Variants in MAP6 observed in about 807,000 individuals in gnomAD.
The protein encoded by MAP6 is microtubule associated protein 6.
A neutral mutation model predicts 42.4 loss-of-function variants in MAP6; 26 were observed. The observed-to-expected ratio is 0.61, with a 90% confidence interval of 0.45 to 0.85. The LOEUF is 0.85. MAP6 is among the 40% of genes least tolerant of loss of function. The probability of loss-of-function intolerance (pLI) is 0.00; values close to 1 mark genes in which losing one functional copy is unlikely to be tolerated. For missense variants in MAP6, 966 were observed against 1,099.0 expected (o/e 0.88, Z 1.71); for synonymous variants, 418 against 443.8 (o/e 0.94, Z 0.73).
At chr11:75,662,173 A>G (rs143477669) in intron 1 of MAP6, among the ~76,000 whole-genome samples, 5 of 152,270 alleles carry the variant, frequency 3.3e-5, no homozygotes, top group African/African-American at 9.6e-5. Context: ...GATAGAGGAG[A>G]TATCATAAGT....
chr11:75,607,736 G>T, intron 2 of MAP6: 15 of 929,308 alleles, frequency 1.6e-5, no homozygotes, highest in South Asian at 9.9e-5. Flanking sequence ...GGGCATGGGG[G>T]CCTACAATAC....
intron 1 of MAP6, among the ~76,000 whole-genome samples, chr11:75,633,861 A>G (rs640927): frequency 0.27 from 40,983 of 152,108 alleles, 6,786 homozygotes; most frequent in African/African-American, 0.46. Context: ...GCCTTGGATA[A>G]CAGAGAGAGG....
intron 1 of MAP6, among the ~76,000 whole-genome samples, chr11:75,649,687 C>T (rs903026185): frequency 5.3e-5 from 8 of 152,012 alleles, no homozygotes; most frequent in African/African-American, 1.7e-4. Context: ...TACAGTCACG[C>T]GCACCACCAC....
At chr11:75,650,645 G>A (rs979201884) in intron 1 of MAP6, among the ~76,000 whole-genome samples, 2 of 152,056 alleles carry the variant, frequency 1.3e-5, no homozygotes, top group African/African-American at 4.8e-5. Context: ...TAACTGCAAG[G>A]ACCTAAGAGT....
intron 1 of MAP6, among the ~76,000 whole-genome samples, chr11:75,649,095 A>G (rs1943607412): frequency 1.3e-5 from 2 of 152,242 alleles, no homozygotes. Context: ...GTATAAGGAT[A>G]TTCACTGCAA....
intron 1 of MAP6, among the ~76,000 whole-genome samples, chr11:75,637,253 T>C (rs950990951): frequency 6.6e-6 from 1 of 152,200 alleles, no homozygotes; most frequent in African/African-American, 2.4e-5. Flanking sequence ...AATGTAAAAG[T>C]TAATGGCAGA....
chr11:75,651,716 C>G (rs575753582), intron 1 of MAP6, among the ~76,000 whole-genome samples: 69 of 152,326 alleles, frequency 4.5e-4, no homozygotes, highest in Middle Eastern at 3.4e-3. Flanking sequence ...CTTCCCATTG[C>G]TATTCAGTTG....
At chr11:75,640,566 A>T (rs930305106) in intron 1 of MAP6, among the ~76,000 whole-genome samples, 1 of 152,096 alleles carries the variant, frequency 6.6e-6, no homozygotes, top group African/African-American at 2.4e-5. Context: ...ATGGGAGAAA[A>T]TTTTTGCAAT....
chr11:75,621,775 C>A (rs11605453), intron 1 of MAP6, among the ~76,000 whole-genome samples: 1 of 152,174 alleles, frequency 6.6e-6, no homozygotes, highest in African/African-American at 2.4e-5. Flanking sequence ...GTAATCCCTG[C>A]ACTTTGGAAG....
At chr11:75,642,529 T>G (rs1828210537) in intron 1 of MAP6, 1 of 154,902 alleles carries the variant, frequency 6.5e-6, no homozygotes, top group Admixed American at 6.4e-5. Context: ...TCTTACCTTC[T>G]CCTTAATACA....
chr11:75,615,514 AGT>A (rs1942980523), intron 1 of MAP6, among the ~76,000 whole-genome samples: 1 of 152,202 alleles, frequency 6.6e-6, no homozygotes, highest in African/African-American at 2.4e-5. Flanking sequence ...CTAGAAATGC[AGT>A]ATGTACAGAG....
chr11:75,587,274 G>T lies in MAP6; in HGVS notation c.2227C>A (p.Pro743Thr). Residue 743 changes from proline (P) to threonine (T), a missense_variant, in exon 4 of 4, where the codon CCT (proline) becomes ACT (threonine). By Grantham distance (38) the Pro-to-Thr change is conservative. This residue lies in a region of MAP6 where 943 missense variants were observed against 1,049.9 expected (regional missense o/e 0.90). Coordinates refer to ENST00000304771, the MANE Select transcript of MAP6 (RefSeq NM_033063.2). Reference sequence around the variant, plus strand: ...GGAACTTGATTCTTCAGAGGTTCAGGGACTATACGACCTTGATTCTTTGGA... The same window carrying T: ...GGAACTTGATTCTTCAGAGGTTCAGTGACTATACGACCTTGATTCTTTGGA... Reference protein sequence around the residue: ...QPPKNQGRIVPEPLKNQVPIV... With the variant: ...QPPKNQGRIVTEPLKNQVPIV... 1 of 1,614,132 alleles carries T rather than the reference G, an allele frequency of 6.2e-7. No individual in the cohort carries two copies. The highest frequency in any genetic ancestry group is 1.1e-5 in the South Asian group (1 of 91,076).
intron 1 of MAP6, among the ~76,000 whole-genome samples, chr11:75,625,855 T>C (rs1417625906): frequency 6.6e-6 from 1 of 152,206 alleles, no homozygotes; most frequent in Admixed American, 6.5e-5. Context: ...CCTCTGTTAA[T>C]TCCTCATCTG....
At chr11:75,618,612 AT>A (rs1356987401) in intron 1 of MAP6, among the ~76,000 whole-genome samples, 1 of 151,706 alleles carries the variant, frequency 6.6e-6, no homozygotes, top group Admixed American at 6.6e-5. Flanking sequence ...AAAAAAAAAA[AT>A]TGACTCTTAT....
Position 75,605,863 on chromosome 11 carries a change from G to C in MAP6, c.1261C>G (p.Pro421Ala), listed in dbSNP as rs752440039. 1.9e-6 allele frequency: 3 copies of C among 1,614,090 alleles called. No homozygotes were observed. The Admixed American group carries it at 5.0e-5, about 27-fold the overall frequency. ...TCTTTGCTTTGCTCCTTGTCGTCTGGCTTGGTGGTACTCGGGCCCTCCGCG... is the reference window on the plus strand; with the variant it reads ...TCTTTGCTTTGCTCCTTGTCGTCTGCCTTGGTGGTACTCGGGCCCTCCGCG... ...KSAEGPSTTK[P>A]DDKEQSKEMN... The change falls in exon 3 of 4, where the codon CCA becomes GCA. Residue 421 changes from proline (P) to alanine (A), a missense_variant. Pro to Ala is a conservative substitution (Grantham distance 27). Around this residue, in one of 2 missense-constraint regions of MAP6, gnomAD observed 943 missense variants for 1,049.9 expected, o/e 0.90. Coordinates refer to ENST00000304771, the MANE Select transcript of MAP6 (RefSeq NM_033063.2).
chr11:75,655,550 C>T (rs1368284628), intron 1 of MAP6, among the ~76,000 whole-genome samples: 1 of 152,226 alleles, frequency 6.6e-6, no homozygotes, highest in East Asian at 1.9e-4. Flanking sequence ...TAATGGAAGG[C>T]ACTGACTGCA....
chr11:75,590,481 C>T (rs1216054359), intron 3 of MAP6, among the ~76,000 whole-genome samples: 1 of 152,160 alleles, frequency 6.6e-6, no homozygotes, highest in Non-Finnish European at 1.5e-5. Context: ...AGCATTGGCT[C>T]CTGTGCCACC....
At chr11:75,629,696 T>C (rs574127795) in intron 1 of MAP6, among the ~76,000 whole-genome samples, 2 of 152,288 alleles carry the variant, frequency 1.3e-5, no homozygotes, top group East Asian at 3.9e-4. Flanking sequence ...TGCAGTGTCA[T>C]AACCAAATAA....
chr11:75,618,613 T>A (rs963265945), intron 1 of MAP6, among the ~76,000 whole-genome samples: 15 of 151,662 alleles, frequency 9.9e-5, no homozygotes, highest in Middle Eastern at 6.8e-3. Flanking sequence ...AAAAAAAAAA[T>A]TGACTCTTAT....
Sources: allele counts gnomAD v4.1 joint callset (sites outside exome capture counted in the v4.1 genomes callset), GRCh38; gene constraint gnomAD v4.1.1; regional missense constraint gnomAD v4.1.1; transcripts MANE v1.5; gene names NCBI Gene and HGNC (gene_info 2026-07-23, HGNC 2026-07-21).